The following ERP27 variants were observed in gnomAD, a reference collection of about 807,000 sequenced individuals.
The protein encoded by ERP27 is endoplasmic reticulum resident protein 27.
A neutral mutation model predicts 27.7 loss-of-function variants in ERP27; 23 were observed. That is an observed-to-expected ratio of 0.83 (90% CI 0.60 to 1.18). ERP27 has a LOEUF of 1.18. Ranked by LOEUF, ERP27 falls within the 50% of genes most tolerant of loss-of-function variation. The pLI is 0.00. For synonymous variants in ERP27, 159 were observed against 118.3 expected (o/e 1.34, Z -2.23); for missense variants, 363 against 327.9 (o/e 1.11, Z -0.83).
chr12:14,932,449 T>C (rs1231800992), intron 3 of ERP27, among the ~76,000 whole-genome samples: 2 of 151,998 alleles, frequency 1.3e-5, no homozygotes, highest in East Asian at 3.9e-4. Flanking sequence ...CTAGGCAAAA[T>C]CATGGAATTG....
At chr12:14,936,668 T>A (rs1042366413) in intron 2 of ERP27, among the ~76,000 whole-genome samples, 1 of 152,106 alleles carries the variant, frequency 6.6e-6, no homozygotes, top group Non-Finnish European at 1.5e-5. Flanking sequence ...GTTTCCCCCA[T>A]GCTGTTCTCG....
At chr12:14,924,991 T>C (rs992593230) in intron 3 of ERP27, among the ~76,000 whole-genome samples, 3 of 152,162 alleles carry the variant, frequency 2.0e-5, no homozygotes, top group Non-Finnish European at 4.4e-5. Context: ...AGTTACCCTA[T>C]ATGGTCTGAA....
At chr12:14,922,844 G>A (rs1029988066) in intron 3 of ERP27, among the ~76,000 whole-genome samples, 3 of 152,168 alleles carry the variant, frequency 2.0e-5, no homozygotes, top group African/African-American at 7.2e-5. Flanking sequence ...GAGAGGCCGA[G>A]GCCAGCGGAT....
chr12:14,936,652 G>A (rs1008537887), intron 2 of ERP27, among the ~76,000 whole-genome samples: 1 of 152,072 alleles, frequency 6.6e-6, no homozygotes, highest in African/African-American at 2.4e-5. Flanking sequence ...TGGGATCATG[G>A]GGGCAGTTTC....
intron 2 of ERP27, among the ~76,000 whole-genome samples, chr12:14,936,534 A>G (rs991489383): frequency 5.3e-5 from 8 of 152,176 alleles, no homozygotes; most frequent in Admixed American, 1.3e-4. Flanking sequence ...CAAGGAGAAA[A>G]GAAGATGGCC....
At position 14,915,470 on chromosome 12, in the gene ERP27, C is replaced by T. The variant is rs774534891; in HGVS notation, c.774+19G>A. 2.5e-6 allele frequency: 4 copies of T among 1,607,710 alleles called. No homozygotes were observed. In the Admixed American group the frequency reaches 6.7e-5, roughly 27 times the overall value. ...CATAGAAAGAAAACAATTTGCTTTA[C>T]CTGCAGTCTCACACTTACCAACAAT... On this transcript the variant is annotated intron_variant, in intron 6 of 6. Transcript: ENST00000266397.
At chr12:14,915,740 A>G in intron 5 of ERP27, 54 bp from the exon 6 acceptor site, 1 of 1,487,124 alleles carries the variant, frequency 6.7e-7, no homozygotes, top group Non-Finnish European at 9.3e-7. Context: ...ACGTCCAGGG[A>G]TAAAGAGATA....
At position 14,921,161 on chromosome 12, in the gene ERP27, A is replaced by G. The variant is rs548655464; in HGVS notation, c.334-113T>C. The G allele has an allele frequency of 5.5e-5, 45 of 824,336 alleles. No individual in the cohort carries two copies. The African/African-American group carries it at 7.5e-4, about 14-fold the overall frequency. 51.1% of individuals were successfully genotyped at this position (824,336 alleles called of 1,614,324 possible). On this transcript the variant is annotated intron_variant, in intron 3 of 6. Transcript: ENST00000266397. ...TGATTAAAGCTCTGAAGACCAAAAG[A>G]TAAGTAAGAGAGTTTCTCTGCCCTA... is the stretch of plus-strand genomic sequence containing the variant.
At chr12:14,931,239 G>A (rs1394322371) in intron 3 of ERP27, among the ~76,000 whole-genome samples, 1 of 151,918 alleles carries the variant, frequency 6.6e-6, no homozygotes, top group Non-Finnish European at 1.5e-5. Flanking sequence ...TATTGTAATA[G>A]TGCCTATCAT....
intron 4 of ERP27, among the ~76,000 whole-genome samples, chr12:14,917,755 C>A (rs1863434932): frequency 6.6e-6 from 1 of 152,188 alleles, no homozygotes; most frequent in Non-Finnish European, 1.5e-5. Context: ...AGCAGATCCC[C>A]AGCTCCAGTT....
chr12:14,931,629 T>C (rs920533315), intron 3 of ERP27, among the ~76,000 whole-genome samples: 9 of 152,098 alleles, frequency 5.9e-5, no homozygotes, highest in African/African-American at 2.2e-4. Context: ...AAAAAACAGA[T>C]GTTAAAGAAG....
In ERP27 at chr12:14,934,956, A is replaced by G. The variant is rs1863753339; in HGVS notation, c.233T>C (p.Met78Thr). 4 of 1,614,166 alleles carry G rather than the reference A, an allele frequency of 2.5e-6. No individual in the cohort carries two copies. The South Asian group carries it at 3.3e-5, about 13-fold the overall frequency. Residue 78 changes from methionine to threonine, a missense_variant, in exon 3 of 7, where the codon ATG becomes ACG. Transcript: ENST00000266397. ...TGACACGCCTGGGAATTTTTGCACC[A>G]TGCTATGGAGTATGGGCACTGCTGG... ...EIPAVPILHS[M>T]VQKFPGVSFG...
intron 3 of ERP27, among the ~76,000 whole-genome samples, chr12:14,923,875 T>C (rs1232001498): frequency 1.3e-5 from 2 of 152,216 alleles, no homozygotes; most frequent in Non-Finnish European, 2.9e-5. Flanking sequence ...TCCTTTCTTG[T>C]AGCTATTATT....
chr12:14,937,364 T>C (rs545202843), intron 2 of ERP27, among the ~76,000 whole-genome samples: 173 of 152,296 alleles, frequency 1.1e-3, no homozygotes, highest in Non-Finnish European at 2.2e-3. Context: ...CAGTCTCATT[T>C]ATGGCTGCCT....
intron 4 of ERP27, among the ~76,000 whole-genome samples, chr12:14,920,398 G>T (rs1393079228): frequency 6.6e-6 from 1 of 152,158 alleles, no homozygotes; most frequent in Non-Finnish European, 1.5e-5. Flanking sequence ...AAAATGAAAT[G>T]GTTGTTTAGA....
At chr12:14,932,833 G>T (rs990468791) in intron 3 of ERP27, among the ~76,000 whole-genome samples, 1 of 152,300 alleles carries the variant, frequency 6.6e-6, no homozygotes, top group South Asian at 2.1e-4. Flanking sequence ...TGGCAAAAAT[G>T]TAAGACCAAA....
intron 3 of ERP27, among the ~76,000 whole-genome samples, chr12:14,934,065 T>C (rs1863736683): frequency 6.6e-6 from 1 of 152,250 alleles, no homozygotes; most frequent in Admixed American, 6.5e-5. Context: ...AGTGGTATTC[T>C]ACTTTTTCCC....
chr12:14,920,787 G>C (rs1453648859), intron 4 of ERP27, 145 bp downstream of exon 4: 3 of 610,044 alleles, frequency 4.9e-6, no homozygotes, highest in South Asian at 2.2e-5. Context: ...TCTTAAAAAG[G>C]TGTAGGAAGG....
At chr12:14,935,469 T>C (rs573939535) in intron 2 of ERP27, among the ~76,000 whole-genome samples, 7 of 152,298 alleles carry the variant, frequency 4.6e-5, no homozygotes, top group South Asian at 2.1e-4. Context: ...ACTGAGATAA[T>C]AGGCAAAAAT....
Sources: gnomAD v4.1 joint callset for allele counts (sites outside exome capture counted in the v4.1 genomes callset) on GRCh38, gnomAD v4.1.1 for gene constraint, MANE v1.5 for transcripts, NCBI Gene and HGNC (gene_info 2026-07-23, HGNC 2026-07-21) for gene names.